Variants in PCDH15 observed in about 807,000 individuals in gnomAD.
PCDH15 encodes protocadherin-15.
In PCDH15, 129 loss-of-function variants were observed where a neutral mutation model predicts 178.5. The observed-to-expected ratio is 0.72, with a 90% CI of 0.63 to 0.84. The LOEUF is 0.84. Ranked by LOEUF, PCDH15 falls within the 40% of genes least tolerant of loss-of-function variation. PCDH15 has a pLI of 0.00. For synonymous variants in PCDH15, 800 were observed against 732.0 expected (o/e 1.09, Z -1.50); for missense variants, 2,230 against 2,099.9 (o/e 1.06, Z -1.21).
Position 55,598,347 on chromosome 10 carries a change from T to C in PCDH15, c.-156+29278A>G, listed in dbSNP as rs907430160. On this transcript the variant is annotated intron_variant, in intron 2 of 5. Transcript: ENST00000613346. ...CACTATGCTTACACAAATAGTTATA[T>C]TAACAAGACTGTTCGCCAGAGTACT... 2.0e-5 allele frequency among the ~76,000 whole-genome samples: 3 copies of C among 151,330 alleles called. No individual in the cohort carries two copies. The East Asian group carries it at 5.8e-4, about 29-fold the overall frequency.
At chr10:53,918,754 ACACACACACACG>A (rs2083749454) in intron 25 of PCDH15, among the ~76,000 whole-genome samples, 1 of 99,152 alleles carries the variant, frequency 1.0e-5, no homozygotes, top group Admixed American at 1.2e-4. Context: ...ACACACACAC[ACACACACACACG>A]GATACCACCA....
rs574280431 is a variant in PCDH15, at chr10:54,412,808, G to A, written c.158-33866C>T. Among the ~76,000 whole-genome samples, 6 of 152,216 alleles carry A rather than the reference G, an allele frequency of 3.9e-5. No homozygotes were observed. In the South Asian group the frequency reaches 6.2e-4, roughly 16 times the overall value. ...GTGACCCCGGCTCACTGCAATCTCC[G>A]CTTCCCTGGTTCAAGGGATTCTCCT... On this transcript the variant is annotated intron_variant, in intron 3 of 37. Coordinates refer to ENST00000644397, the MANE Select transcript of PCDH15 (RefSeq NM_001384140.1).
intron 2 of PCDH15, among the ~76,000 whole-genome samples, chr10:55,425,836 CA>C (rs1838742665): frequency 6.6e-6 from 1 of 152,044 alleles, no homozygotes. Context: ...TTTGTTATGA[CA>C]AATGTCAAAC....
At chr10:55,415,062 C>A (rs993145229) in intron 2 of PCDH15, among the ~76,000 whole-genome samples, 1 of 151,414 alleles carries the variant, frequency 6.6e-6, no homozygotes, top group Non-Finnish European at 1.5e-5. Context: ...TTATAAATGG[C>A]CTTTATTAAG....
intron 7 of PCDH15, among the ~76,000 whole-genome samples, chr10:54,321,982 A>G (rs1177286804): frequency 2.0e-5 from 3 of 152,028 alleles, no homozygotes; most frequent in Admixed American, 6.6e-5. Flanking sequence ...TTGTGAGCCC[A>G]TAATGGTAAT....
intron 13 of PCDH15, among the ~76,000 whole-genome samples, chr10:54,169,639 T>G (rs963002912): frequency 6.6e-6 from 1 of 151,026 alleles, no homozygotes. Context: ...TCCCCCCACC[T>G]TAACCTACAA....
intron 11 of PCDH15, among the ~76,000 whole-genome samples, chr10:54,188,215 C>A (rs1178423357): frequency 6.6e-6 from 1 of 151,832 alleles, no homozygotes; most frequent in Non-Finnish European, 1.5e-5. Flanking sequence ...CATTCCGATA[C>A]AGTTTGAATT....
At chr10:55,381,695 AAAG>A (rs1225355846) in intron 2 of PCDH15, among the ~76,000 whole-genome samples, 3 of 152,178 alleles carry the variant, frequency 2.0e-5, no homozygotes, top group Non-Finnish European at 2.9e-5. Flanking sequence ...AATAAAAAAT[AAAG>A]AAGAAGACCT....
intron 5 of PCDH15, among the ~76,000 whole-genome samples, chr10:54,359,513 A>G (rs1263429141): frequency 6.6e-6 from 1 of 152,006 alleles, no homozygotes; most frequent in Non-Finnish European, 1.5e-5. Context: ...CATTTCCATT[A>G]CCATTTTCAT....
intron 6 of PCDH15, among the ~76,000 whole-genome samples, chr10:54,339,220 C>T (rs1488039348): frequency 1.3e-5 from 2 of 152,246 alleles, no homozygotes; most frequent in South Asian, 2.1e-4. Context: ...CTGTCATTCA[C>T]GTTAGTGTAA....
chr10:54,185,283 G>A lies in PCDH15; in HGVS notation c.1306-15C>T. 1 of 1,612,888 alleles carries A rather than the reference G, an allele frequency of 6.2e-7. No homozygotes were observed. Among genetic ancestry groups the A allele is most frequent in the Non-Finnish European group, 8.5e-7 (1 of 1,179,158 alleles). On this transcript the variant is annotated splice_polypyrimidine_tract_variant and intron_variant, in intron 11 of 37. Coordinates refer to ENST00000644397, the MANE Select transcript of PCDH15 (RefSeq NM_001384140.1). ...GGGTCTTTTGTCTTTGAAAAAAAAT[G>A]ACATCGTTTCAAACGTTGAATAAAT...
At chr10:54,247,331 G>A (rs2056047662) in intron 8 of PCDH15, among the ~76,000 whole-genome samples, 2 of 151,818 alleles carry the variant, frequency 1.3e-5, no homozygotes, top group Non-Finnish European at 2.9e-5. Flanking sequence ...GCAAAGTGAA[G>A]GTCTATTTTC....
Position 54,213,980 on chromosome 10 carries a change from G to A in PCDH15, c.1054C>T (p.Pro352Ser). Residue 352 changes from proline (P) to serine (S), a missense_variant, in exon 10 of 38, where the codon CCA becomes TCA. Transcript: ENST00000644397. ...PRTAELSLLE[P>S]VNRDFHQKFD... is the part of the protein sequence containing the mutation. Reference sequence around the variant, plus strand: ...TTCTGGTGAAAGTCTCTGTTTACTGGCTCCAGGAGACTAAGTTCTGCTGTC... The same window carrying A: ...TTCTGGTGAAAGTCTCTGTTTACTGACTCCAGGAGACTAAGTTCTGCTGTC... 2 of 1,611,526 alleles carry A rather than the reference G, an allele frequency of 1.2e-6. No individual in the cohort carries two copies. Among genetic ancestry groups the A allele is most frequent in the Non-Finnish European group, 1.7e-6 (2 of 1,177,914 alleles).
intron 1 of PCDH15, among the ~76,000 whole-genome samples, chr10:54,747,832 G>A (rs1945666057): frequency 7.9e-6 from 1 of 127,122 alleles, no homozygotes; most frequent in Non-Finnish European, 1.6e-5. Context: ...TTGAGACGGA[G>A]TCTCGCTCTG....
chr10:54,630,912 C>T (rs916763633), intron 2 of PCDH15, among the ~76,000 whole-genome samples: 3 of 152,148 alleles, frequency 2.0e-5, no homozygotes, highest in African/African-American at 7.2e-5. Context: ...AAACCCTCTA[C>T]ATCACTAAGT....
intron 2 of PCDH15, among the ~76,000 whole-genome samples, chr10:54,602,023 T>A (rs778108302): frequency 6.6e-6 from 1 of 151,826 alleles, no homozygotes; most frequent in Non-Finnish European, 1.5e-5. Flanking sequence ...AAAAAAGTAG[T>A]TATTAGCTAC....
At chr10:53,870,163 T>C (rs2079736215) in intron 26 of PCDH15, among the ~76,000 whole-genome samples, 2 of 152,310 alleles carry the variant, frequency 1.3e-5, no homozygotes, top group South Asian at 4.1e-4. Context: ...TCCTAATATA[T>C]TAAATTATGA....
intron 1 of PCDH15, among the ~76,000 whole-genome samples, chr10:55,264,483 C>G (rs1308012301): frequency 6.6e-6 from 1 of 152,136 alleles, no homozygotes; most frequent in African/African-American, 2.4e-5. Context: ...CACATCAGTA[C>G]TTATGGCCAG....
At chr10:55,622,164 T>TTATATATATTATATATATCTATAAA (rs1196837604) in intron 2 of PCDH15, among the ~76,000 whole-genome samples, 3 of 97,024 alleles carry the variant, frequency 3.1e-5, no homozygotes, top group South Asian at 2.9e-4. Context: ...AATATATATA[T>TTATATATATTATATATATCTATAAA]TATATATATT....
Sources: allele counts gnomAD v4.1 joint callset (sites outside exome capture counted in the v4.1 genomes callset), GRCh38; gene constraint gnomAD v4.1.1; transcripts MANE v1.5; gene names NCBI Gene and HGNC (gene_info 2026-07-23, HGNC 2026-07-21).